FAM184A: variants seen among roughly 807,000 people sequenced by gnomAD.
FAM184A encodes family with sequence similarity 184 member A.
In FAM184A, 99 loss-of-function variants were observed where a neutral mutation model predicts 143.8. That is an observed-to-expected ratio of 0.69 (90% CI 0.58 to 0.81). The LOEUF (loss-of-function observed/expected upper bound fraction) is 0.81. FAM184A is among the 40% of genes least tolerant of loss of function. The pLI is 0.00. For synonymous variants in FAM184A, 427 were observed against 446.4 expected (o/e 0.96, Z 0.55); for missense variants, 1,217 against 1,310.5 (o/e 0.93, Z 1.10).
intron 1 of FAM184A, among the ~76,000 whole-genome samples, chr6:119,044,398 C>T (rs1417321946): frequency 1.3e-5 from 2 of 152,060 alleles, no homozygotes; most frequent in Non-Finnish European, 2.9e-5. Context: ...GCCTAGGCAA[C>T]AAAGCAAGAG....
intron 1 of FAM184A, among the ~76,000 whole-genome samples, chr6:119,123,836 A>G (rs994721035): frequency 2.0e-5 from 3 of 152,376 alleles, no homozygotes; most frequent in Admixed American, 2.0e-4. Context: ...TATACTGTAG[A>G]GAAATATATT....
At chr6:119,019,738 G>A (rs1381987830) in intron 4 of FAM184A, among the ~76,000 whole-genome samples, 1 of 152,178 alleles carries the variant, frequency 6.6e-6, no homozygotes, top group African/African-American at 2.4e-5. Flanking sequence ...CTTGAAATAG[G>A]TTGAAATGTC....
At chr6:119,059,467 A>G (rs919816438) in intron 1 of FAM184A, among the ~76,000 whole-genome samples, 1 of 152,244 alleles carries the variant, frequency 6.6e-6, no homozygotes, top group African/African-American at 2.4e-5. Flanking sequence ...ATAAACATCC[A>G]CTATTAAGTT....
chr6:119,124,820 A>C (rs750477723), intron 1 of FAM184A, among the ~76,000 whole-genome samples: 6 of 152,088 alleles, frequency 3.9e-5, no homozygotes, highest in Admixed American at 1.3e-4. Context: ...TTCCAAGTAG[A>C]TACAACCTCA....
rs761690996 is a variant in FAM184A at position 118,976,034 on chromosome 6, G to A, written c.2466C>T (p.Arg822=). ...DEGKAMLASL[R]SELNHQHAAA... is the part of the protein sequence containing the mutation. ...CTGCATGTTGATGGTTGAGTTCTGA[G>A]CGCAAGGAAGCTGGAATTGCAAGGC... The change falls in exon 12 of 18, where the codon CGC becomes CGT. Residue 822 remains arginine (R), a synonymous_variant. Coordinates refer to ENST00000338891, the MANE Select transcript of FAM184A (RefSeq NM_024581.6). 5 of 1,610,922 alleles carry A rather than the reference G, an allele frequency of 3.1e-6. No homozygotes were observed. Among genetic ancestry groups the A allele is most frequent in the Non-Finnish European group, 4.2e-6 (5 of 1,179,328 alleles).
chr6:118,989,254 G>C (rs919497892), intron 9 of FAM184A, among the ~76,000 whole-genome samples: 1 of 151,328 alleles, frequency 6.6e-6, no homozygotes, highest in African/African-American at 2.4e-5. Context: ...GAGCCACCGC[G>C]CCCAGCCTGG....
intron 7 of FAM184A, chr6:119,005,550 G>A (rs925681172): frequency 1.3e-5 from 2 of 152,258 alleles, no homozygotes; most frequent in Non-Finnish European, 2.9e-5. Context: ...GCTATAAATG[G>A]TTCATCTCAT....
intron 1 of FAM184A, among the ~76,000 whole-genome samples, chr6:119,110,563 T>A (rs1300382537): frequency 2.0e-5 from 3 of 151,964 alleles, no homozygotes; most frequent in Non-Finnish European, 4.4e-5. Flanking sequence ...GATAGACAAC[T>A]AGCAGGGTCT....
chr6:119,093,348 G>C (rs1788424680), intron 1 of FAM184A, among the ~76,000 whole-genome samples: 1 of 152,188 alleles, frequency 6.6e-6, no homozygotes, highest in African/African-American at 2.4e-5. Flanking sequence ...CGTCTTAGCA[G>C]TGTGTTGGGA....
intron 14 of FAM184A, among the ~76,000 whole-genome samples, chr6:118,969,993 A>ATATAT (rs1189865476): frequency 4.5e-4 from 11 of 24,378 alleles, no homozygotes; most frequent in Non-Finnish European, 7.0e-4. Flanking sequence ...ATATATATAT[A>ATATAT]ATATATATAT....
At chr6:118,978,618 A>G (rs1342687334) in intron 11 of FAM184A, among the ~76,000 whole-genome samples, 2 of 152,192 alleles carry the variant, frequency 1.3e-5, no homozygotes, top group African/African-American at 4.8e-5. Flanking sequence ...TCCCAGCAAC[A>G]TTATCGATGA....
chr6:119,088,896 A>G (rs1027171447), intron 1 of FAM184A, among the ~76,000 whole-genome samples: 1 of 152,234 alleles, frequency 6.6e-6, no homozygotes, highest in Non-Finnish European at 1.5e-5. Flanking sequence ...GTTTCCATGT[A>G]TAATGAAAAG....
intron 9 of FAM184A, among the ~76,000 whole-genome samples, chr6:118,990,190 T>C (rs1784333298): frequency 6.6e-6 from 1 of 152,228 alleles, no homozygotes; most frequent in Non-Finnish European, 1.5e-5. Context: ...TTTATACCAT[T>C]TACTTATGAA....
chr6:119,082,681 A>G (rs972261644), upstream of FAM184A, among the ~76,000 whole-genome samples: 2 of 152,248 alleles, frequency 1.3e-5, no homozygotes, highest in African/African-American at 4.8e-5. Context: ...TGATGCAAGA[A>G]GTGGGCTCCC....
intron 1 of FAM184A, among the ~76,000 whole-genome samples, chr6:119,062,650 AC>A (rs1787304677): frequency 6.6e-6 from 1 of 152,010 alleles, no homozygotes; most frequent in African/African-American, 2.4e-5. Flanking sequence ...ACAGAGAGAG[AC>A]CCTATCTCAA....
At chr6:118,976,846 C>T (rs1006132707) in intron 11 of FAM184A, among the ~76,000 whole-genome samples, 2 of 152,004 alleles carry the variant, frequency 1.3e-5, no homozygotes, top group Admixed American at 1.3e-4. Flanking sequence ...CAAATTAAAA[C>T]CAGAATGAGT....
At chr6:118,967,747 C>G (rs1380859551) in intron 14 of FAM184A, among the ~76,000 whole-genome samples, 1 of 152,048 alleles carries the variant, frequency 6.6e-6, no homozygotes, top group African/African-American at 2.4e-5. Flanking sequence ...TTAGAAAATG[C>G]AAATACTTAG....
chr6:119,087,024 A>T (rs1371411325), intron 1 of FAM184A, among the ~76,000 whole-genome samples: 1 of 152,208 alleles, frequency 6.6e-6, no homozygotes, highest in Non-Finnish European at 1.5e-5. Flanking sequence ...GGCTCCTAGC[A>T]CACGATACAT....
chr6:118,964,165 A>C (rs182712517), intron 16 of FAM184A, among the ~76,000 whole-genome samples: 66 of 152,304 alleles, frequency 4.3e-4, no homozygotes, highest in African/African-American at 1.5e-3. Flanking sequence ...TCTCCAAAAC[A>C]AAAACAAAAA....
Sources: gnomAD v4.1 joint callset for allele counts (sites outside exome capture counted in the v4.1 genomes callset) on GRCh38, gnomAD v4.1.1 for gene constraint, MANE v1.5 for transcripts, NCBI Gene and HGNC (gene_info 2026-07-23, HGNC 2026-07-21) for gene names.